The following CDKL5 variants were observed in gnomAD, a reference collection of about 807,000 sequenced individuals.
CDKL5 encodes cyclin-dependent kinase-like 5.
A neutral mutation model predicts 61.7 loss-of-function variants in CDKL5; 8 were observed. The ratio of observed to expected loss-of-function variants is 0.13; its 90% CI spans 0.08 to 0.23. The LOEUF (loss-of-function observed/expected upper bound fraction) is 0.23, where lower values mean the gene tolerates loss of function less well. Ranked by LOEUF, CDKL5 falls within the 10% of genes least tolerant of loss-of-function variation. The probability of loss-of-function intolerance (pLI) is 1.00; values close to 1 mark genes in which losing one functional copy is unlikely to be tolerated. For synonymous variants in CDKL5, 275 were observed against 272.3 expected, an observed-to-expected ratio of 1.01 and a Z score of -0.10; for missense variants, 440 against 734.5, an observed-to-expected ratio of 0.60 and a Z score of 4.63.
chrX:18,451,901 T>C (rs752507478), intron 1 of CDKL5, among the ~76,000 whole-genome samples: 1 of 112,205 alleles, frequency 8.9e-6, no homozygotes, highest in East Asian at 2.8e-4. Flanking sequence ...AGGGAGGACA[T>C]TGGAAGTCGG....
chrX:18,512,625 T>C (rs1327868433), intron 3 of CDKL5, among the ~76,000 whole-genome samples: 1 of 110,984 alleles, frequency 9.0e-6, no homozygotes, highest in Non-Finnish European at 1.9e-5. Flanking sequence ...CAAAAATGGT[T>C]CGAATACTAT....
chrX:18,570,144 C>T (rs183729162), intron 4 of CDKL5, among the ~76,000 whole-genome samples: 4 of 111,145 alleles, frequency 3.6e-5, no homozygotes, highest in Non-Finnish European at 7.5e-5. Flanking sequence ...AACCAGAGTT[C>T]GTAATCTGGA....
intron 3 of CDKL5, among the ~76,000 whole-genome samples, chrX:18,545,697 G>A (rs1476225293): frequency 1.8e-5 from 2 of 111,476 alleles, no homozygotes; most frequent in African/African-American, 6.5e-5. Flanking sequence ...TGTAAACACA[G>A]AATGTGAATA....
chrX:18,492,252 TA>T (rs1435451882), intron 1 of CDKL5, among the ~76,000 whole-genome samples: 5 of 111,483 alleles, frequency 4.5e-5, no homozygotes, highest in African/African-American at 1.6e-4. Flanking sequence ...TTTTTATGTT[TA>T]AGAGCCATTT....
At chrX:18,645,957 A>G in intron 19 of CDKL5, 1 of 1,209,325 alleles carries the variant, frequency 8.3e-7, no homozygotes, top group Non-Finnish European at 1.1e-6. Flanking sequence ...GTGTTCTTAA[A>G]GGCAAGTCAT....
chrX:18,631,043 G>A lies in CDKL5; in HGVS notation c.*2286G>A. 2 of 752,145 alleles carry A rather than the reference G, an allele frequency of 2.7e-6. No homozygotes were observed. Among genetic ancestry groups the A allele is most frequent in the Middle Eastern group, 7.6e-4 (1 of 1,322 alleles). The allele number at this position is 752,145 out of a possible 1,213,427, so 62.0% of individuals were successfully genotyped here. A position where few individuals can be genotyped will look rare whatever the true frequency, so the allele number is the denominator to read the frequency against. On this transcript the variant is annotated 3_prime_UTR_variant, in exon 18 of 18. Coordinates refer to ENST00000623535, the MANE Select transcript of CDKL5 (RefSeq NM_001323289.2). ...TGTGCTATGCGCTTAGGAACTGCAC[G>A]GTCCCGTTGCCATGCTGTGGCATTC...
chrX:18,562,730 G>A (rs1000110080), intron 3 of CDKL5, among the ~76,000 whole-genome samples: 4 of 111,729 alleles, frequency 3.6e-5, no homozygotes, highest in African/African-American at 1.3e-4. Flanking sequence ...TCATCTGTTC[G>A]ATTTCATTCT....
At chrX:18,488,402 G>GA (rs1281967472) in intron 1 of CDKL5, among the ~76,000 whole-genome samples, 1 of 111,666 alleles carries the variant, frequency 9.0e-6, no homozygotes, top group East Asian at 2.8e-4. Context: ...TGTTACAATT[G>GA]TTGTATTATA....
intron 1 of CDKL5, among the ~76,000 whole-genome samples, chrX:18,474,224 A>G (rs762027241): frequency 9.0e-6 from 1 of 111,348 alleles, no homozygotes; most frequent in South Asian, 3.8e-4. Context: ...CGTTTTTGTT[A>G]CCTTGATAGC....
At position 18,629,180 on chromosome X, in the gene CDKL5, A is replaced by T. The variant is rs1927166018; in HGVS notation, c.*423A>T. ...ACATATTTTTTTCTGCCTAGAGTAAATGTGGGGTTTATTGTAATCCAAGAG... is the reference window on the plus strand; with the variant it reads ...ACATATTTTTTTCTGCCTAGAGTAATTGTGGGGTTTATTGTAATCCAAGAG... On this transcript the variant is annotated 3_prime_UTR_variant, in exon 18 of 18. Transcript: ENST00000623535. 3.9e-6 allele frequency: 3 copies of T among 761,833 alleles called. No individual in the cohort carries two copies. Among genetic ancestry groups the T allele is most frequent in the Non-Finnish European group, 3.1e-6 (2 of 643,866 alleles). The allele number at this position is 761,833 out of a possible 1,213,427, so 62.8% of individuals were successfully genotyped here. A position where few individuals can be genotyped will look rare whatever the true frequency, so the allele number is the denominator to read the frequency against.
chrX:18,504,048 C>CA (rs1189132084), intron 1 of CDKL5, among the ~76,000 whole-genome samples: 2 of 111,251 alleles, frequency 1.8e-5, no homozygotes, highest in Non-Finnish European at 3.8e-5. Flanking sequence ...GCCACTGTGC[C>CA]TGGCTAGGAT....
At chrX:18,461,117 T>G (rs1029380639) in intron 1 of CDKL5, among the ~76,000 whole-genome samples, 31 of 112,101 alleles carry the variant, frequency 2.8e-4, no homozygotes, top group African/African-American at 9.1e-4. Flanking sequence ...TGTCAATGAG[T>G]ATCTAGTTAG....
chrX:18,574,049 A>G (rs758294647), intron 4 of CDKL5, among the ~76,000 whole-genome samples: 1 of 111,297 alleles, frequency 9.0e-6, no homozygotes, highest in South Asian at 3.8e-4. Context: ...GGGCATATCA[A>G]GTAGGCTTCC....
intron 9 of CDKL5, 152 bp downstream of exon 9, chrX:18,588,295 AT>A: frequency 2.4e-6 from 1 of 418,930 alleles, no homozygotes. Context: ...TTATTTCCGA[AT>A]TTTTTAATAG....
chrX:18,542,128 C>T (rs1458635453), intron 3 of CDKL5, among the ~76,000 whole-genome samples: 2 of 111,525 alleles, frequency 1.8e-5, no homozygotes, highest in Non-Finnish European at 3.8e-5. Flanking sequence ...GACACCCCTT[C>T]TGGAAAGGAG....
At chrX:18,477,487 C>T (rs141090324) in intron 1 of CDKL5, among the ~76,000 whole-genome samples, 1,144 of 112,411 alleles carry the variant, frequency 0.01, 17 homozygotes, top group African/African-American at 0.035. Context: ...TGTTTGTTTA[C>T]TGTATTTTTC....
At position 18,647,232 on chromosome X, in the gene CDKL5, C is replaced by T. The variant is rs143920122; in HGVS notation, c.2797+1142C>T. 131 of 1,208,677 alleles carry T rather than the reference C, an allele frequency of 1.1e-4. No individual in the cohort carries two copies. The highest frequency in any genetic ancestry group is 6.2e-4 in the East Asian group (21 of 33,715). ...TGAGCCGGGCCTTGTTTGCAGTCCA[C>T]GAAGAATACCAGCCCACATACTGCT... On this transcript the variant is annotated intron_variant, in intron 20 of 21. Transcript: ENST00000379989.
downstream of CDKL5, among the ~76,000 whole-genome samples, chrX:18,643,862 T>C (rs1439757909): frequency 9.0e-6 from 1 of 110,560 alleles, no homozygotes; most frequent in Non-Finnish European, 1.9e-5. Context: ...AGGAGTCTAC[T>C]GCGTTTAGTC....
intron 9 of CDKL5, among the ~76,000 whole-genome samples, chrX:18,595,107 G>A (rs930531463): frequency 2.7e-5 from 3 of 111,960 alleles, no homozygotes; most frequent in East Asian, 2.8e-4. Flanking sequence ...GCATGAACCC[G>A]GGAGGCAGAG....
Sources: allele counts gnomAD v4.1 joint callset (sites outside exome capture counted in the v4.1 genomes callset), GRCh38; gene constraint gnomAD v4.1.1; transcripts MANE v1.5; gene names NCBI Gene and HGNC (gene_info 2026-07-23, HGNC 2026-07-21).